Variants in CDH9 observed in about 807,000 individuals in gnomAD.
CDH9 encodes cadherin 9.
CDH9 carries 28 observed loss-of-function variants against 70.9 expected under a neutral mutation model. The observed-to-expected ratio is 0.40, with a 90% CI of 0.29 to 0.54. The LOEUF is 0.54. Ranked by LOEUF, CDH9 falls within the 20% of genes least tolerant of loss-of-function variation. The pLI, the probability that CDH9 is intolerant of heterozygous loss-of-function variation, is 0.59. For synonymous variants in CDH9, 409 were observed against 343.1 expected (o/e 1.19, Z -2.12); for missense variants, 874 against 984.4 (o/e 0.89, Z 1.50).
At chr5:26,991,846 C>A (rs1240844074) in intron 1 of CDH9, among the ~76,000 whole-genome samples, 2 of 151,986 alleles carry the variant, frequency 1.3e-5, no homozygotes, top group Admixed American at 6.6e-5. Flanking sequence ...AATAAAGAAT[C>A]CATTCTTTTC....
Position 26,890,491 on chromosome 5 carries a change from A to G in CDH9, c.1327T>C (p.Leu443=), listed in dbSNP as rs1169287001. The G allele has an allele frequency of 1.9e-6, 3 of 1,611,936 alleles. No individual in the cohort carries two copies. In the Admixed American group the frequency reaches 5.0e-5, roughly 27 times the overall value. ...IHSENGSIFT[L]KALDRESSPW... ...GATGATTCCCGGTCAAGGGCTTTCA[A>G]AGTGAAAATAGAACCATTTTCTGAG... The change falls in exon 8 of 12, where the codon TTG becomes CTG. Residue 443 remains leucine, a synonymous_variant. Transcript: ENST00000231021.
chr5:26,970,185 G>T (rs976449854), intron 2 of CDH9, among the ~76,000 whole-genome samples: 3 of 151,354 alleles, frequency 2.0e-5, no homozygotes, highest in Non-Finnish European at 4.4e-5. Context: ...TAAAAATACC[G>T]AATTATAATA....
chr5:27,022,198 A>T (rs1348315453), intron 1 of CDH9, among the ~76,000 whole-genome samples: 1 of 152,070 alleles, frequency 6.6e-6, no homozygotes, highest in Non-Finnish European at 1.5e-5. Flanking sequence ...AGAATTTTGG[A>T]AACATGCCAA....
chr5:26,957,048 C>A (rs528039492), intron 2 of CDH9, among the ~76,000 whole-genome samples: 1 of 142,754 alleles, frequency 7.0e-6, no homozygotes, highest in African/African-American at 2.6e-5. Flanking sequence ...TACTTTGATA[C>A]CCTGAGTATT....
rs746934331 is a variant in CDH9 at position 26,915,866 on chromosome 5, C to G, written c.287G>C (p.Gly96Ala). 6.2e-7 allele frequency: 1 copy of G among 1,611,584 alleles called. No individual in the cohort carries two copies. Among genetic ancestry groups the G allele is most frequent in the East Asian group, 2.2e-5 (1 of 44,858 alleles). Residue 96 changes from glycine to alanine, a missense_variant, in exon 3 of 12, where the codon GGG (glycine) becomes GCG (alanine). By Grantham distance (60) the Gly-to-Ala change is moderately conservative (BLOSUM62 0). Coordinates refer to ENST00000231021, the MANE Select transcript of CDH9 (RefSeq NM_016279.4). ...GNLKYILTGDGAGSLFVIDEN... is the reference protein window; with the variant it reads ...GNLKYILTGDAAGSLFVIDEN... ...ATCTATAACAAATAGACTGCCAGCCCCATCTCCTGTTAGTATGTATTTTAA... is the reference window on the plus strand; with the variant it reads ...ATCTATAACAAATAGACTGCCAGCCGCATCTCCTGTTAGTATGTATTTTAA...
At chr5:27,002,289 T>C (rs566669537) in intron 1 of CDH9, among the ~76,000 whole-genome samples, 5 of 152,144 alleles carry the variant, frequency 3.3e-5, no homozygotes, top group African/African-American at 4.8e-5. Context: ...GGAGAGGATA[T>C]GGAGAAATAG....
intron 2 of CDH9, among the ~76,000 whole-genome samples, chr5:26,944,475 C>A (rs1741713817): frequency 6.6e-6 from 1 of 151,918 alleles, no homozygotes; most frequent in Admixed American, 6.6e-5. Context: ...ACATAGAAGA[C>A]CCCGTTTCCC....
At chr5:26,988,012 T>G (rs749278136) in intron 2 of CDH9, 94 bp downstream of exon 2, 7 of 815,450 alleles carry the variant, frequency 8.6e-6, no homozygotes, top group Admixed American at 5.3e-5. Context: ...TAGTTAAATA[T>G]TTTTTAATAA....
rs768097027 is a variant in CDH9, at chr5:26,881,138, A to C, written c.2368T>G (p.Ter790GluextTer6). ...MYGGDDSDRD[*>E] is the part of the protein sequence containing the mutation. Reference sequence around the variant, plus strand: ...ATTGATTAAGTCAAACAATCCTCTTAGTCTCGGTCACTATCATCACCCCCA... The same window carrying C: ...ATTGATTAAGTCAAACAATCCTCTTCGTCTCGGTCACTATCATCACCCCCA... The change falls in exon 12 of 12, where the codon TAA (stop) becomes GAA (glutamate). Residue 790 changes from the stop codon to glutamate, a stop_lost. Coordinates refer to ENST00000231021, the MANE Select transcript of CDH9 (RefSeq NM_016279.4). 14 of 1,599,292 alleles carry C rather than the reference A, an allele frequency of 8.8e-6. No individual in the cohort carries two copies. Among genetic ancestry groups the C allele is most frequent in the Non-Finnish European group, 5.1e-6 (6 of 1,172,696 alleles).
At chr5:27,036,595 T>A (rs1437727529) in intron 1 of CDH9, among the ~76,000 whole-genome samples, 1 of 151,940 alleles carries the variant, frequency 6.6e-6, no homozygotes, top group African/African-American at 2.4e-5. Flanking sequence ...GACTATTGTT[T>A]TTATTAGTAC....
intron 11 of CDH9, among the ~76,000 whole-genome samples, chr5:26,882,543 T>A (rs1308417721): frequency 6.6e-6 from 1 of 152,034 alleles, no homozygotes; most frequent in Admixed American, 6.6e-5. Flanking sequence ...TTGCAATTAA[T>A]AAGATTCATT....
intron 2 of CDH9, among the ~76,000 whole-genome samples, chr5:26,948,411 C>T (rs1316487835): frequency 6.6e-6 from 1 of 152,174 alleles, no homozygotes; most frequent in Non-Finnish European, 1.5e-5. Flanking sequence ...ACAGAAGAAA[C>T]ATTTCTTGAA....
At chr5:26,884,191 CCTT>C (rs1402182373) in intron 11 of CDH9, among the ~76,000 whole-genome samples, 4 of 152,096 alleles carry the variant, frequency 2.6e-5, no homozygotes, top group South Asian at 2.1e-4. Context: ...GAAGAGGAAA[CCTT>C]CTAGGATTTC....
intron 1 of CDH9, among the ~76,000 whole-genome samples, chr5:26,990,449 T>C (rs1742562010): frequency 6.6e-6 from 1 of 152,150 alleles, no homozygotes; most frequent in South Asian, 2.1e-4. Flanking sequence ...AATTACACCA[T>C]TTTTCAATGC....
At chr5:26,925,629 C>T (rs1741323596) in intron 2 of CDH9, among the ~76,000 whole-genome samples, 1 of 152,146 alleles carries the variant, frequency 6.6e-6, no homozygotes, top group Non-Finnish European at 1.5e-5. Context: ...TCGTCCATGC[C>T]TATGTCCTAA....
intron 7 of CDH9, among the ~76,000 whole-genome samples, chr5:26,897,060 A>G (rs1740764903): frequency 6.6e-6 from 1 of 152,160 alleles, no homozygotes; most frequent in Non-Finnish European, 1.5e-5. Context: ...TATAAACTAA[A>G]AAAACTAGAA....
At chr5:26,977,314 G>A (rs1175237) in intron 2 of CDH9, among the ~76,000 whole-genome samples, 23,874 of 151,704 alleles carry the variant, frequency 0.16, 2,176 homozygotes, top group African/African-American at 0.25. Context: ...GAGGACTACA[G>A]TTGGGGAGCT....
chr5:26,946,945 G>A (rs1227173921), intron 2 of CDH9, among the ~76,000 whole-genome samples: 1 of 152,176 alleles, frequency 6.6e-6, no homozygotes, highest in Non-Finnish European at 1.5e-5. Context: ...ATTAACAGTG[G>A]TGAGATGGTG....
intron 2 of CDH9, among the ~76,000 whole-genome samples, chr5:26,939,338 T>C (rs1304277879): frequency 6.6e-6 from 1 of 151,706 alleles, no homozygotes; most frequent in African/African-American, 2.4e-5. Flanking sequence ...CAAACACTAA[T>C]TGAAAACCGT....
Sources: gnomAD v4.1 joint callset for allele counts (sites outside exome capture counted in the v4.1 genomes callset) on GRCh38, gnomAD v4.1.1 for gene constraint, MANE v1.5 for transcripts, NCBI Gene and HGNC (gene_info 2026-07-23, HGNC 2026-07-21) for gene names.